Variants in CGNL1 observed in about 807,000 individuals in gnomAD.
CGNL1 encodes the protein cingulin-like protein 1.
In CGNL1, 132 loss-of-function variants were observed where a neutral mutation model predicts 141.2. That is an observed-to-expected ratio of 0.93 (90% CI 0.81 to 1.08). CGNL1 has a LOEUF of 1.08. Among genes scored for constraint, CGNL1 ranks in the 50% least tolerant of loss-of-function variants. CGNL1 has a pLI of 0.00. For missense variants in CGNL1, 1,870 were observed against 1,588.6 expected, an observed-to-expected ratio of 1.18 and a Z score of -3.01; for synonymous variants, 690 against 622.1, an observed-to-expected ratio of 1.11 and a Z score of -1.63.
At chr15:57,484,285 G>T (rs1196145537) in intron 8 of CGNL1, among the ~76,000 whole-genome samples, 1 of 152,100 alleles carries the variant, frequency 6.6e-6, no homozygotes, top group Non-Finnish European at 1.5e-5. Context: ...TTCCTTAATA[G>T]TTATGAGGCT....
intron 14 of CGNL1, among the ~76,000 whole-genome samples, chr15:57,540,894 CG>C (rs2032528970): frequency 6.6e-6 from 1 of 152,232 alleles, no homozygotes; most frequent in African/African-American, 2.4e-5. Flanking sequence ...CGTGTGCACT[CG>C]CAGACACATG....
chr15:57,402,880 A>T (rs1370419724), intron 1 of CGNL1, among the ~76,000 whole-genome samples: 1 of 152,184 alleles, frequency 6.6e-6, no homozygotes, highest in African/African-American at 2.4e-5. Flanking sequence ...CCCTCAGTGC[A>T]GGGCTTTAGG....
intron 8 of CGNL1, among the ~76,000 whole-genome samples, chr15:57,474,885 G>C (rs1002059409): frequency 2.0e-5 from 3 of 152,162 alleles, no homozygotes; most frequent in Admixed American, 6.5e-5. Flanking sequence ...TGAAATAAGA[G>C]TATTGATCTG....
At position 57,440,360 on chromosome 15, in the gene CGNL1, C is replaced by G; in HGVS notation, c.1603-17C>G. On this transcript the variant is annotated splice_polypyrimidine_tract_variant and intron_variant, in intron 2 of 18. Coordinates refer to ENST00000281282, the MANE Select transcript of CGNL1 (RefSeq NM_032866.5). The stretch of plus-strand genomic sequence containing the variant: ...GAACTTCATCCTCATGGTCTAACAA[C>G]AGGCCTTATGTTCCAGGCCACACCG... 1 of 1,573,548 alleles carries G rather than the reference C, an allele frequency of 6.4e-7. No individual in the cohort carries two copies.
At position 57,411,390 on chromosome 15, in the gene CGNL1, T is replaced by C. The variant is rs536528492; in HGVS notation, c.-15-26595T>C. On this transcript the variant is annotated intron_variant, in intron 1 of 18. Transcript: ENST00000281282. ...CCTCAGGGAACTTGCAGTTTAGCTGTTCTGATATTTGTGCCATGCACTGTC... is the reference window on the plus strand; with the variant it reads ...CCTCAGGGAACTTGCAGTTTAGCTGCTCTGATATTTGTGCCATGCACTGTC... Among the ~76,000 whole-genome samples, 2 of 152,258 alleles carry C rather than the reference T, an allele frequency of 1.3e-5. 1 individual carries two copies. The highest frequency in any genetic ancestry group is 4.2e-4 in the South Asian group (2 of 4,818).
intron 4 of CGNL1, 56 bp from the exon 5 acceptor site, chr15:57,451,444 A>G: frequency 7.9e-7 from 1 of 1,270,076 alleles, no homozygotes; most frequent in South Asian, 1.3e-5. Flanking sequence ...GGGGAAGATA[A>G]TTAAAATAAA....
chr15:57,496,019 G>A (rs1336524603), intron 8 of CGNL1, among the ~76,000 whole-genome samples: 1 of 152,158 alleles, frequency 6.6e-6, no homozygotes, highest in African/African-American at 2.4e-5. Context: ...GAATGACTGT[G>A]GAATGGAGCC....
intron 4 of CGNL1, among the ~76,000 whole-genome samples, chr15:57,445,302 A>T (rs577668755): frequency 6.6e-6 from 1 of 152,308 alleles, no homozygotes; most frequent in East Asian, 1.9e-4. Flanking sequence ...AGAGATGATG[A>T]GAAAATGAAC....
chr15:57,473,436 G>A (rs183092944), intron 8 of CGNL1, among the ~76,000 whole-genome samples: 1 of 152,310 alleles, frequency 6.6e-6, no homozygotes, highest in East Asian at 1.9e-4. Flanking sequence ...ACCTACAGTG[G>A]CAAAGTTAAT....
At chr15:57,401,422 G>A (rs1427864523) in intron 1 of CGNL1, among the ~76,000 whole-genome samples, 1 of 152,152 alleles carries the variant, frequency 6.6e-6, no homozygotes, top group Non-Finnish European at 1.5e-5. Context: ...GAATTTCCAA[G>A]AATGGGTCTC....
At position 57,452,289 on chromosome 15, in the gene CGNL1, A is replaced by T. The variant is rs1234922504; in HGVS notation, c.2054A>T (p.Glu685Val). The T allele has an allele frequency of 2.5e-6, 4 of 1,613,050 alleles. No homozygotes were observed. The highest frequency in any genetic ancestry group is 3.4e-6 in the Non-Finnish European group (4 of 1,179,552). ...SEGELRKNLE[E>V]LFQVKMEREQ... ...GGGGAGCTCCGGAAGAATCTGGAGG[A>T]GTAAGTTCTGGGCTGAGAGCCTGTT... Residue 685 changes from glutamate (E) to valine (V), a missense_variant and splice_region_variant, in exon 6 of 19, where the codon GAG (glutamate) becomes GTG (valine). Coordinates refer to ENST00000281282, the MANE Select transcript of CGNL1 (RefSeq NM_032866.5).
intron 8 of CGNL1, among the ~76,000 whole-genome samples, chr15:57,503,232 C>G (rs1390011816): frequency 6.6e-6 from 1 of 152,234 alleles, no homozygotes; most frequent in Non-Finnish European, 1.5e-5. Flanking sequence ...AGGGGCCTTC[C>G]TCCTACTCCT....
intron 3 of CGNL1, among the ~76,000 whole-genome samples, chr15:57,441,033 C>G (rs1308872241): frequency 2.1e-5 from 3 of 144,444 alleles, no homozygotes; most frequent in Non-Finnish European, 4.5e-5. Context: ...TTTGAGGTTT[C>G]TGTTTCAGTT....
chr15:57,430,335 G>GC (rs1286336155), intron 1 of CGNL1, among the ~76,000 whole-genome samples: 3 of 152,168 alleles, frequency 2.0e-5, no homozygotes, highest in African/African-American at 7.2e-5. Context: ...GCTTAGCTCT[G>GC]CCCTGGTAGG....
At chr15:57,390,479 C>T (rs1187971000) in intron 1 of CGNL1, among the ~76,000 whole-genome samples, 4 of 152,200 alleles carry the variant, frequency 2.6e-5, no homozygotes, top group Non-Finnish European at 5.9e-5. Context: ...TATACCTGGC[C>T]AGTTCTAGTA....
chr15:57,471,355 C>T (rs1160852917), intron 8 of CGNL1, among the ~76,000 whole-genome samples: 1 of 152,190 alleles, frequency 6.6e-6, no homozygotes, highest in Admixed American at 6.5e-5. Flanking sequence ...TTAGGAGGAT[C>T]CCTCACATGG....
intron 4 of CGNL1, among the ~76,000 whole-genome samples, chr15:57,446,302 T>C (rs1308644483): frequency 2.0e-5 from 3 of 152,198 alleles, no homozygotes; most frequent in Non-Finnish European, 4.4e-5. Context: ...GCAAATACCA[T>C]CTAGATCAAG....
intron 8 of CGNL1, among the ~76,000 whole-genome samples, chr15:57,471,263 G>A (rs1337262875): frequency 2.0e-5 from 3 of 152,264 alleles, no homozygotes; most frequent in African/African-American, 7.2e-5. Context: ...GGCTTTTGGC[G>A]AGTAGATTTA....
At chr15:57,385,083 AG>A (rs2062468228) in intron 1 of CGNL1, among the ~76,000 whole-genome samples, 1 of 152,226 alleles carries the variant, frequency 6.6e-6, no homozygotes, top group Non-Finnish European at 1.5e-5. Flanking sequence ...TGAATCAGGG[AG>A]GCCCTTCAGA....
Sources: gnomAD v4.1 joint callset for allele counts (sites outside exome capture counted in the v4.1 genomes callset) on GRCh38, gnomAD v4.1.1 for gene constraint, MANE v1.5 for transcripts, NCBI Gene and HGNC (gene_info 2026-07-23, HGNC 2026-07-21) for gene names.